Variants in S100Z observed in about 807,000 individuals in gnomAD.
The protein encoded by S100Z is S100 calcium binding protein Z.
Under a neutral mutation model 8.5 loss-of-function variants are expected in S100Z, and 11 were observed. The observed-to-expected ratio is 1.30, with a 90% CI of 0.82 to 2.15. The LOEUF (loss-of-function observed/expected upper bound fraction) is 2.15. Ranked by LOEUF, S100Z falls within the 30% of genes most tolerant of loss-of-function variation. The probability of loss-of-function intolerance (pLI) is 0.00; values close to 1 mark genes in which losing one functional copy is unlikely to be tolerated. For missense variants in S100Z, 126 were observed against 117.9 expected, an observed-to-expected ratio of 1.07 and a Z score of -0.32; for synonymous variants, 34 against 43.8, an observed-to-expected ratio of 0.78 and a Z score of 0.89.
chr5:76,879,296 G>A (rs1301594973), intron 4 of S100Z, among the ~76,000 whole-genome samples: 1 of 152,196 alleles, frequency 6.6e-6, no homozygotes, highest in Non-Finnish European at 1.5e-5. Context: ...TGTTGTCATG[G>A]AGGAGCCTCT....
At chr5:76,887,242 A>G (rs1353634921) in intron 4 of S100Z, among the ~76,000 whole-genome samples, 2 of 150,146 alleles carry the variant, frequency 1.3e-5, no homozygotes, top group South Asian at 2.1e-4. Context: ...GATTACAGGC[A>G]CCCACCATCA....
At chr5:76,898,514 G>C (rs1744118445) in intron 4 of S100Z, among the ~76,000 whole-genome samples, 1 of 152,084 alleles carries the variant, frequency 6.6e-6, no homozygotes, top group Non-Finnish European at 1.5e-5. Context: ...TATCATAAAG[G>C]GATGTTGAAT....
rs552728707 is a variant in S100Z at position 76,879,598 on chromosome 5, G to T, written c.*2+1764G>T. On this transcript the variant is annotated intron_variant, in intron 4 of 4. Coordinates refer to ENST00000317593, the MANE Select transcript of S100Z (RefSeq NM_130772.4). ...ATCTGGTCTGGATCTCAGGGTAAAT[G>T]GGGGACTGGAGATAGAGTTGGGAGT... Among the ~76,000 whole-genome samples the T allele has an allele frequency of 2.0e-5, 3 of 152,258 alleles. No homozygotes were observed. In the South Asian group the frequency reaches 6.2e-4, roughly 32 times the overall value.
At chr5:76,942,433 C>CAAAAAAAAAAAAAA in the S100Z span, among the ~76,000 whole-genome samples, 4 of 113,192 alleles carry the variant, frequency 3.5e-5, no homozygotes, top group East Asian at 2.7e-4. Flanking sequence ...TTATATTGGC[C>CAAAAAAAAAAAAAA]AAAAAAAAAA....
At chr5:76,879,840 A>G (rs983430820) in intron 4 of S100Z, among the ~76,000 whole-genome samples, 1 of 152,158 alleles carries the variant, frequency 6.6e-6, no homozygotes, top group Non-Finnish European at 1.5e-5. Context: ...AGAGAAATCC[A>G]TTCAGAGGTG....
chr5:76,913,361 A>G (rs186694777), intron 4 of S100Z, among the ~76,000 whole-genome samples: 139 of 152,366 alleles, frequency 9.1e-4, no homozygotes, highest in African/African-American at 3.1e-3. Context: ...ATGGATATTC[A>G]GTAAGTGATA....
At chr5:76,856,220 CT>C (rs1750877659) in intron 1 of S100Z, among the ~76,000 whole-genome samples, 1 of 152,120 alleles carries the variant, frequency 6.6e-6, no homozygotes, top group South Asian at 2.1e-4. Flanking sequence ...GAGATGGAGT[CT>C]TGCTCTTTCA....
At chr5:76,859,924 A>C (rs141188414) in intron 1 of S100Z, among the ~76,000 whole-genome samples, 30 of 152,330 alleles carry the variant, frequency 2.0e-4, no homozygotes, top group African/African-American at 7.2e-4. Context: ...AACCTAACCC[A>C]AAACTGGCAA....
chr5:76,859,786 GA>G (rs1751002333), intron 1 of S100Z, among the ~76,000 whole-genome samples: 1 of 76,720 alleles, frequency 1.3e-5, no homozygotes, highest in East Asian at 2.8e-4. Context: ...AAAAAAAAAA[GA>G]AATAAGAAAA....
intron 1 of S100Z, among the ~76,000 whole-genome samples, chr5:76,866,107 C>T (rs1751265280): frequency 6.7e-6 from 1 of 149,490 alleles, no homozygotes; most frequent in Non-Finnish European, 1.5e-5. Flanking sequence ...GTTTTTGAGA[C>T]AGGGTGTTGC....
chr5:76,942,130 TTG>T, the S100Z span, among the ~76,000 whole-genome samples: 3 of 151,792 alleles, frequency 2.0e-5, no homozygotes, highest in South Asian at 6.2e-4. Context: ...TATTATTATT[TTG>T]TAGACAGAGT....
At position 76,870,164 on chromosome 5, in the gene S100Z, A is replaced by G. The variant is rs1430254912; in HGVS notation, c.-175-2A>G. On this transcript the variant is annotated splice_acceptor_variant, in intron 1 of 4. Coordinates refer to ENST00000317593, the MANE Select transcript of S100Z (RefSeq NM_130772.4). LOFTEE classifies it low-confidence loss of function (5UTR_SPLICE). ...ACGTATTTACTCATTTCTGCTTGCC[A>G]GTGTAATTTCACAAGCCCCTGACTC... 2 of 152,190 alleles carry G rather than the reference A, an allele frequency of 1.3e-5. No homozygotes were observed. The highest frequency in any genetic ancestry group is 2.9e-5 in the Non-Finnish European group (2 of 68,054). The allele number at this position is 152,190 out of a possible 1,614,324, so 9.4% of individuals were successfully genotyped here.
chr5:76,853,478 A>G (rs1750789421), intron 1 of S100Z, among the ~76,000 whole-genome samples: 1 of 152,220 alleles, frequency 6.6e-6, no homozygotes, highest in Non-Finnish European at 1.5e-5. Flanking sequence ...TTGGATCTGT[A>G]TCCCCACCAA....
intron 1 of S100Z, among the ~76,000 whole-genome samples, chr5:76,869,659 G>A (rs765896265): frequency 3.9e-5 from 6 of 152,126 alleles, no homozygotes; most frequent in Non-Finnish European, 8.8e-5. Context: ...GCAGTAATAG[G>A]GACCAAAAAT....
chr5:76,902,085 C>A (rs1280025258), intron 4 of S100Z, among the ~76,000 whole-genome samples: 4 of 152,114 alleles, frequency 2.6e-5, no homozygotes, highest in Non-Finnish European at 5.9e-5. Flanking sequence ...GTATTCAAGA[C>A]TCAAGACAAA....
chr5:76,933,247 T>G, the S100Z span, among the ~76,000 whole-genome samples: 6,561 of 152,308 alleles, frequency 0.043, 191 homozygotes, highest in Non-Finnish European at 0.067. Flanking sequence ...TCTACTGTGT[T>G]GCTGGGTGGA....
chr5:76,887,395 CTTTTTTT>C (rs70982657), intron 4 of S100Z, among the ~76,000 whole-genome samples: 5 of 74,692 alleles, frequency 6.7e-5, no homozygotes, highest in African/African-American at 1.1e-4. Context: ...CTGTGCCAGG[CTTTTTTT>C]TTTTTTTTTT....
chr5:76,883,698 G>A lies in S100Z; in HGVS notation c.*2+5864G>A, dbSNP rs183206479. On this transcript the variant is annotated intron_variant, in intron 4 of 4. Transcript: ENST00000317593. ...GAATGAGTCAGTCAGAGAGCCTTGGGCCAGAGTTCCAGGGGCTCCGGGAGT... is the reference window on the plus strand; with the variant it reads ...GAATGAGTCAGTCAGAGAGCCTTGGACCAGAGTTCCAGGGGCTCCGGGAGT... 1.8e-3 allele frequency among the ~76,000 whole-genome samples: 272 copies of A among 152,334 alleles called. 2 individuals are homozygous for A. Among genetic ancestry groups the A allele is most frequent in the African/African-American group, 6.2e-3 (256 of 41,574 alleles).
At chr5:76,907,025 CA>C (rs1744479553) in intron 4 of S100Z, among the ~76,000 whole-genome samples, 1 of 73,942 alleles carries the variant, frequency 1.4e-5, no homozygotes, top group African/African-American at 9.5e-5. Flanking sequence ...TATATATATA[CA>C]TATATATATA....
Sources: allele counts gnomAD v4.1 joint callset (sites outside exome capture counted in the v4.1 genomes callset), GRCh38; gene constraint gnomAD v4.1.1; transcripts MANE v1.5; gene names NCBI Gene and HGNC (gene_info 2026-07-23, HGNC 2026-07-21).